RRP12: variants seen among roughly 807,000 people sequenced by gnomAD.
RRP12 encodes the protein RRP12-like protein.
In RRP12, 78 loss-of-function variants were observed where a neutral mutation model predicts 157.3. The observed-to-expected ratio is 0.50, with a 90% CI of 0.41 to 0.60. RRP12 has a LOEUF of 0.60. Ranked by LOEUF, RRP12 falls within the 20% of genes least tolerant of loss-of-function variation. The pLI, the probability that RRP12 is intolerant of heterozygous loss-of-function variation, is 0.00. For synonymous variants in RRP12, 726 were observed against 670.9 expected (o/e 1.08, Z -1.27); for missense variants, 1,521 against 1,679.9 (o/e 0.91, Z 1.65).
At chr10:97,356,361 T>C (rs910952792), downstream of RRP12, 3 of 152,234 alleles carry the variant, frequency 2.0e-5, no homozygotes, top group Non-Finnish European at 4.4e-5. Flanking sequence ...CGGAGGTGAA[T>C]GAACAAGGCT....
At chr10:97,381,223 A>C (rs950139868) in intron 12 of RRP12, among the ~76,000 whole-genome samples, 163 bp downstream of exon 12, 7 of 152,232 alleles carry the variant, frequency 4.6e-5, no homozygotes, top group African/African-American at 1.7e-4. Flanking sequence ...GCTCAAGTCC[A>C]CGGTAGCTGC....
chr10:97,356,821 T>C lies in RRP12; in HGVS notation c.*273A>G, dbSNP rs1405455704. ...TGGAGATCATCTGTTCTGGTGCTCA[T>C]GGCCACTCTGGGCAGAAAGCAAAGG... On this transcript the variant is annotated 3_prime_UTR_variant, in exon 34 of 34. Coordinates refer to ENST00000370992, the MANE Select transcript of RRP12 (RefSeq NM_015179.4). The C allele has an allele frequency of 2.1e-5, 8 of 378,286 alleles. No individual in the cohort carries two copies. The highest frequency in any genetic ancestry group is 1.4e-4 in the East Asian group (3 of 21,660). The allele number at this position is 378,286 out of a possible 1,614,324, so 23.4% of individuals were successfully genotyped here.
rs1384997710 is a variant in RRP12, at chr10:97,360,570, GCTC to G, written c.3613_3615del (p.Glu1205del). On this transcript the variant is annotated inframe_deletion, in exon 31 of 34. Transcript: ENST00000370992. ...CCTTGGTACTGAGGGGGTATCTCCA[GCTC>G]CTCCTCCTCAGCCTCTTTCTGGTGC... 2.5e-6 allele frequency: 4 copies of G among 1,613,822 alleles called. No individual in the cohort carries two copies. Among genetic ancestry groups the G allele is most frequent in the Non-Finnish European group, 3.4e-6 (4 of 1,179,748 alleles).
chr10:97,388,421 C>T, intron 7 of RRP12, 42 bp from the exon 8 acceptor site: 1 of 1,613,080 alleles, frequency 6.2e-7, no homozygotes, highest in Non-Finnish European at 8.5e-7. Flanking sequence ...CCCCGCCCTA[C>T]CGCAGGCCCT....
chr10:97,397,161 G>C (rs1450121506), intron 2 of RRP12, among the ~76,000 whole-genome samples: 1 of 151,964 alleles, frequency 6.6e-6, no homozygotes, highest in Non-Finnish European at 1.5e-5. Flanking sequence ...TGTTGTTGTT[G>C]TTGTTGTTGT....
intron 33 of RRP12, among the ~76,000 whole-genome samples, chr10:97,357,491 T>C (rs1843740891): frequency 1.3e-5 from 2 of 152,154 alleles, no homozygotes; most frequent in African/African-American, 4.8e-5. Context: ...CATCCCTCCA[T>C]TGAAAGGTAA....
At position 97,373,119 on chromosome 10, in the gene RRP12, G is replaced by A. The variant is rs751939400; in HGVS notation, c.2108C>T (p.Ala703Val). ...LFNLYGQPVA[A>V]GDTPAPRRAV... The stretch of plus-strand genomic sequence containing the variant: ...CCGGCGAGGGGCTGGAGTGTCCCCG[G>A]CTGCCACGGGCTGCCCATACAGGTT... The change falls in exon 18 of 34, where the codon GCC (alanine) becomes GTC (valine). Residue 703 changes from alanine (A) to valine (V), a missense_variant. By Grantham distance (64) the Ala-to-Val change is moderately conservative. Transcript: ENST00000370992. The A allele has an allele frequency of 6.2e-7, 1 of 1,614,132 alleles. No homozygotes were observed. The highest frequency in any genetic ancestry group is 8.5e-7 in the Non-Finnish European group (1 of 1,180,028).
Position 97,385,998 on chromosome 10 carries a change from A to AGG in RRP12, c.1018-7_1018-6dup. 2.5e-6 allele frequency: 4 copies of AGG among 1,575,704 alleles called. No homozygotes were observed. The highest frequency in any genetic ancestry group is 3.5e-6 in the Non-Finnish European group (4 of 1,156,866). ...CATGGCACAGGCTGTCACCAGCTGG[A>AGG]GGGGGACACACAGGCTTAGAAAGGA... is the stretch of plus-strand genomic sequence containing the variant. On this transcript the variant is annotated splice_region_variant and splice_polypyrimidine_tract_variant and intron_variant, in intron 8 of 33. Coordinates refer to ENST00000370992, the MANE Select transcript of RRP12 (RefSeq NM_015179.4).
chr10:97,385,756 C>A, intron 9 of RRP12, 139 bp downstream of exon 9: 1 of 633,818 alleles, frequency 1.6e-6, no homozygotes, highest in South Asian at 1.8e-5. Context: ...CCTTCCCCTT[C>A]TACTGGCCTC....
At chr10:97,366,713 C>T (rs374741225) in intron 27 of RRP12, 29 bp downstream of exon 27, 5 of 1,604,368 alleles carry the variant, frequency 3.1e-6, no homozygotes, top group African/African-American at 2.7e-5. Flanking sequence ...GGGGGGACAC[C>T]GGGTCCCATG....
Position 97,381,890 on chromosome 10 carries a change from TCAGGGCTGAGACGGC to T in RRP12, c.1209-79_1209-65del. The T allele has an allele frequency of 6.5e-6, 8 of 1,221,708 alleles. No homozygotes were observed. In the South Asian group the frequency reaches 1.0e-4, roughly 16 times the overall value. The allele number at this position is 1,221,708 out of a possible 1,614,324, so 75.7% of individuals were successfully genotyped here. ...CCCTGGGGACCCGGGCAACCAGGGC[TCAGGGCTGAGACGGC>T]CCAGCTCTGAAAACAGTCACAAACC... On this transcript the variant is annotated intron_variant, in intron 10 of 33. Transcript: ENST00000370992.
In RRP12 at chr10:97,370,792, C is replaced by T. The variant is rs560486956; in HGVS notation, c.2507G>A (p.Arg836His). 3.0e-5 allele frequency: 48 copies of T among 1,613,774 alleles called. No homozygotes were observed. The highest frequency in any genetic ancestry group is 1.2e-4 in the Admixed American group (7 of 59,966). ...RSTSSPAKRP[R>H]LKCLLHIVRK... ...CACGATGTGTAGGAGGCACTTCAAA[C>T]GGGGCTGTGGGCAAAGGGCTACCAG... The change falls in exon 22 of 34, where the codon CGT (arginine) becomes CAT (histidine). Residue 836 changes from arginine (R) to histidine (H), a missense_variant. Transcript: ENST00000370992.
At chr10:97,379,551 C>T in intron 14 of RRP12, 77 bp downstream of exon 14, 2 of 1,595,756 alleles carry the variant, frequency 1.3e-6, no homozygotes, top group Non-Finnish European at 1.7e-6. Context: ...AGACTTTAGC[C>T]CACAGCAGCA....
At chr10:97,399,875 G>C (rs932675173) in intron 2 of RRP12, among the ~76,000 whole-genome samples, 1 of 152,010 alleles carries the variant, frequency 6.6e-6, no homozygotes, top group Non-Finnish European at 1.5e-5. Flanking sequence ...TGAAGATTGC[G>C]CTACTGCACT....
Position 97,400,309 on chromosome 10 carries a change from T to C in RRP12, c.365A>G (p.Lys122Arg), listed in dbSNP as rs373654618. Reference protein sequence around the residue: ...RFWESNSAAHKEICAVLAAVT... With the variant: ...RFWESNSAAHREICAVLAAVT... ...CCTCCCGACCCTCGCCCCTACCTCC[T>C]TGTGGGCAGCCGAGTTGGACTCCCA... Residue 122 changes from lysine to arginine, a missense_variant, in exon 2 of 34, where the codon AAG becomes AGG. Coordinates refer to ENST00000370992, the MANE Select transcript of RRP12 (RefSeq NM_015179.4). The C allele has an allele frequency of 1.7e-5, 28 of 1,613,672 alleles. No individual in the cohort carries two copies. Among genetic ancestry groups the C allele is most frequent in the East Asian group, 2.2e-5 (1 of 44,866 alleles).
At chr10:97,372,440 G>A (rs1469671735) in intron 19 of RRP12, among the ~76,000 whole-genome samples, 1 of 152,172 alleles carries the variant, frequency 6.6e-6, no homozygotes. Context: ...TTACAGATGA[G>A]GCCTTAGAGG....
chr10:97,381,879 G>C, intron 10 of RRP12, 53 bp from the exon 11 acceptor site: 1 of 1,340,470 alleles, frequency 7.5e-7, no homozygotes, highest in Admixed American at 1.9e-5. Context: ...GGGGACCCGG[G>C]CAACCAGGGC....
At chr10:97,375,328 T>A (rs950265339) in intron 15 of RRP12, among the ~76,000 whole-genome samples, 3 of 151,930 alleles carry the variant, frequency 2.0e-5, no homozygotes, top group African/African-American at 7.3e-5. Context: ...GTTCTTGAAC[T>A]CTTGGCCTCA....
In RRP12 at chr10:97,388,342, C is replaced by T. The variant is rs145461858; in HGVS notation, c.927G>A (p.Thr309=). Residue 309 remains threonine (T), a synonymous_variant, in exon 8 of 34, where the codon ACG becomes ACA. Coordinates refer to ENST00000370992, the MANE Select transcript of RRP12 (RefSeq NM_015179.4). ...AGCAGGGCAGCAGGTCCTTCAGCAG[C>T]GTCAGCATGTGCAGCGTGGTGGTGG... ...KEATTTLHML[T]LLKDLLPCFP... is the part of the protein sequence containing the mutation. 1.5e-4 allele frequency: 244 copies of T among 1,613,812 alleles called. No homozygotes were observed. Among genetic ancestry groups the T allele is most frequent in the Non-Finnish European group, 1.9e-4 (224 of 1,180,020 alleles).
Sources: allele counts gnomAD v4.1 joint callset (sites outside exome capture counted in the v4.1 genomes callset), GRCh38; gene constraint gnomAD v4.1.1; transcripts MANE v1.5; gene names NCBI Gene and HGNC (gene_info 2026-07-23, HGNC 2026-07-21).